MTMR14: variants seen among roughly 807,000 people sequenced by gnomAD.
MTMR14 encodes myotubularin related protein 14.
In MTMR14, 48 loss-of-function variants were observed where a neutral mutation model predicts 86.3. The ratio of observed to expected loss-of-function variants is 0.56; its 90% confidence interval spans 0.44 to 0.71. The LOEUF (loss-of-function observed/expected upper bound fraction) is 0.71, where lower values mean the gene tolerates loss of function less well. Among genes scored for constraint, MTMR14 ranks in the 30% least tolerant of loss-of-function variants. MTMR14 has a pLI of 0.00. For synonymous variants in MTMR14, 366 were observed against 326.1 expected (o/e 1.12, Z -1.32); for missense variants, 780 against 834.6 (o/e 0.93, Z 0.81).
rs1021626222 is a variant in MTMR14 at position 9,685,201 on chromosome 3, C to T, written c.1128-10C>T. The stretch of plus-strand genomic sequence containing the variant: ...CTGCTGACTTTGCCTCTCTACCCTC[C>T]TTTTTTCAGGCACATGTTGGTAGAT... On this transcript the variant is annotated splice_polypyrimidine_tract_variant and intron_variant, in intron 12 of 18. Coordinates refer to ENST00000296003, the MANE Select transcript of MTMR14 (RefSeq NM_001077525.3). 6 of 1,614,038 alleles carry T rather than the reference C, an allele frequency of 3.7e-6. No homozygotes were observed. The Admixed American group carries it at 1.0e-4, about 27-fold the overall frequency.
chr3:9,681,831 C>G (rs1198440607), intron 9 of MTMR14, among the ~76,000 whole-genome samples: 1 of 152,010 alleles, frequency 6.6e-6, no homozygotes, highest in Non-Finnish European at 1.5e-5. Context: ...GGATTTATCC[C>G]TCAGCTCAGC....
At chr3:9,688,895 A>G in intron 15 of MTMR14, 49 bp from the exon 16 acceptor site, 1 of 1,612,688 alleles carries the variant, frequency 6.2e-7, no homozygotes. Context: ...GTGGGGGACC[A>G]GTAGTGGGAG....
chr3:9,673,435 A>G (rs989900801), intron 7 of MTMR14, among the ~76,000 whole-genome samples: 3 of 152,222 alleles, frequency 2.0e-5, no homozygotes, highest in Non-Finnish European at 4.4e-5. Context: ...GTAGCATTCA[A>G]GTTTTCTGGC....
At chr3:9,675,525 G>A in intron 7 of MTMR14, 1 of 456,324 alleles carries the variant, frequency 2.2e-6, no homozygotes, top group Non-Finnish European at 4.4e-6. Flanking sequence ...GAAGTATTCT[G>A]GGATCGTTTC....
chr3:9,650,551 G>A (rs1559550765), intron 1 of MTMR14: 2 of 345,326 alleles, frequency 5.8e-6, no homozygotes, highest in Non-Finnish European at 1.2e-5. Context: ...TTCTGTAGTT[G>A]GCATCTTGTA....
At chr3:9,659,198 G>A (rs2125014539) in intron 2 of MTMR14, among the ~76,000 whole-genome samples, 1 of 152,196 alleles carries the variant, frequency 6.6e-6, no homozygotes, top group South Asian at 2.1e-4. Flanking sequence ...CCACTGCACT[G>A]CAGCCTGGGC....
chr3:9,664,538 A>G (rs1461888369), intron 3 of MTMR14, among the ~76,000 whole-genome samples: 1 of 152,166 alleles, frequency 6.6e-6, no homozygotes, highest in Non-Finnish European at 1.5e-5. Flanking sequence ...AAAATATGGT[A>G]CATGTATGCA....
chr3:9,692,288 C>T (rs941747669), intron 17 of MTMR14, among the ~76,000 whole-genome samples: 2 of 152,216 alleles, frequency 1.3e-5, no homozygotes, highest in Non-Finnish European at 2.9e-5. Flanking sequence ...TGGAATGAAT[C>T]TGTGAAGCTT....
chr3:9,687,615 C>G (rs2076003027), intron 13 of MTMR14, among the ~76,000 whole-genome samples: 1 of 152,042 alleles, frequency 6.6e-6, no homozygotes, highest in Non-Finnish European at 1.5e-5. Flanking sequence ...AAATCCCTTC[C>G]TGCCTTGCCC....
At chr3:9,669,321 A>G in intron 4 of MTMR14, 111 bp from the exon 5 acceptor site, 1 of 1,022,604 alleles carries the variant, frequency 9.8e-7, no homozygotes, top group Non-Finnish European at 1.5e-6. Flanking sequence ...GAGTAGAGCC[A>G]TGTAGTCCCA....
At chr3:9,684,695 A>AAG (rs779656847) in intron 11 of MTMR14, 25 bp downstream of exon 11, 173 of 1,612,986 alleles carry the variant, frequency 1.1e-4, no homozygotes, top group Non-Finnish European at 1.4e-4. Flanking sequence ...GCCCCTACCA[A>AAG]GCTCTGCTCT....
At chr3:9,675,217 A>G (rs1215034792) in intron 7 of MTMR14, among the ~76,000 whole-genome samples, 1 of 152,222 alleles carries the variant, frequency 6.6e-6, no homozygotes, top group Non-Finnish European at 1.5e-5. Flanking sequence ...AATGAGGATC[A>G]ATAAAAATAA....
chr3:9,697,770 TGGTAACG>T lies in MTMR14; in HGVS notation c.1676_1682del (p.Val559AlafsTer34), dbSNP rs756056943. On this transcript the variant is annotated frameshift_variant, in exon 18 of 19. Transcript: ENST00000296003. LOFTEE classifies it high-confidence loss of function. ...TCCACAGACTATGGCAGCTGGCAGA[TGGTAACG>T]GGCTGTGGCAGTATTCAGGAGCGGG... is the stretch of plus-strand genomic sequence containing the variant. 45 of 1,613,972 alleles carry T rather than the reference TGGTAACG, an allele frequency of 2.8e-5. No individual in the cohort carries two copies. The highest frequency in any genetic ancestry group is 1.6e-4 in the Middle Eastern group (1 of 6,084).
chr3:9,667,003 G>C (rs2048291565), intron 3 of MTMR14, among the ~76,000 whole-genome samples: 1 of 152,202 alleles, frequency 6.6e-6, no homozygotes, highest in Non-Finnish European at 1.5e-5. Flanking sequence ...TTCTCCATCT[G>C]ACTCGGGTTT....
At chr3:9,662,099 A>G (rs1358367305) in intron 2 of MTMR14, among the ~76,000 whole-genome samples, 168 bp from the exon 3 acceptor site, 2 of 151,380 alleles carry the variant, frequency 1.3e-5, no homozygotes, top group Non-Finnish European at 2.9e-5. Context: ...AAAAAAATAG[A>G]TAGATAGACA....
At chr3:9,661,813 A>C (rs1050580368) in intron 2 of MTMR14, among the ~76,000 whole-genome samples, 1 of 151,872 alleles carries the variant, frequency 6.6e-6, no homozygotes, top group African/African-American at 2.4e-5. Flanking sequence ...TGAAAAACTT[A>C]ATATATCTCA....
At chr3:9,674,677 G>C (rs919159776) in intron 7 of MTMR14, among the ~76,000 whole-genome samples, 1 of 152,172 alleles carries the variant, frequency 6.6e-6, no homozygotes, top group East Asian at 1.9e-4. Context: ...ACGTCACAGA[G>C]CTTAAGATAG....
chr3:9,697,898 C>T (rs1485949005), intron 18 of MTMR14, 32 bp downstream of exon 18: 1 of 1,613,114 alleles, frequency 6.2e-7, no homozygotes, highest in East Asian at 2.2e-5. Context: ...GCAGGATGCT[C>T]CCCTGCCCAT....
At chr3:9,682,956 C>T (rs1027849542) in intron 9 of MTMR14, among the ~76,000 whole-genome samples, 9 of 152,004 alleles carry the variant, frequency 5.9e-5, no homozygotes, top group Non-Finnish European at 1.0e-4. Flanking sequence ...CCCCGCCCCC[C>T]GAGTAGGGGG....
Sources: gnomAD v4.1 joint callset for allele counts (sites outside exome capture counted in the v4.1 genomes callset) on GRCh38, gnomAD v4.1.1 for gene constraint, MANE v1.5 for transcripts, NCBI Gene and HGNC (gene_info 2026-07-23, HGNC 2026-07-21) for gene names.